TENT2: variants seen among roughly 807,000 people sequenced by gnomAD.
TENT2 encodes the protein terminal nucleotidyltransferase 2.
TENT2 carries 44 observed loss-of-function variants against 72.2 expected under a neutral mutation model. The ratio of observed to expected loss-of-function variants is 0.61; its 90% CI spans 0.48 to 0.78. The LOEUF (loss-of-function observed/expected upper bound fraction) is 0.78, where lower values mean the gene tolerates loss of function less well. Ranked by LOEUF, TENT2 falls within the 30% of genes least tolerant of loss-of-function variation. The pLI is 0.00. For missense variants in TENT2, 541 were observed against 569.6 expected, an observed-to-expected ratio of 0.95 and a Z score of 0.51; for synonymous variants, 212 against 192.5, an observed-to-expected ratio of 1.10 and a Z score of -0.84.
At chr5:79,667,168 A>G (rs62365234) in intron 11 of TENT2, among the ~76,000 whole-genome samples, 30,805 of 152,130 alleles carry the variant, frequency 0.2, 4,604 homozygotes, top group African/African-American at 0.42. Flanking sequence ...TTTTAAAGGA[A>G]GTACAATCAT....
chr5:79,646,444 G>C (rs1325982987), intron 8 of TENT2, among the ~76,000 whole-genome samples: 1 of 152,290 alleles, frequency 6.6e-6, no homozygotes, highest in East Asian at 1.9e-4. Flanking sequence ...CACTAATTCA[G>C]TGTTTGCAGC....
intron 11 of TENT2, among the ~76,000 whole-genome samples, chr5:79,659,615 A>G: frequency 8.2e-6 from 1 of 121,418 alleles, no homozygotes; most frequent in South Asian, 3.0e-4. Context: ...TTTATTTAGT[A>G]TCCATTATAT....
chr5:79,653,248 G>A (rs921912907), intron 10 of TENT2, among the ~76,000 whole-genome samples: 2 of 152,158 alleles, frequency 1.3e-5, no homozygotes, highest in Non-Finnish European at 2.9e-5. Flanking sequence ...GCTTTGGGAG[G>A]CAGAGGTGGG....
chr5:79,660,474 C>T (rs2092814272), intron 11 of TENT2, among the ~76,000 whole-genome samples: 1 of 150,974 alleles, frequency 6.6e-6, no homozygotes, highest in Non-Finnish European at 1.5e-5. Flanking sequence ...TCTTTGTACT[C>T]TAGGAAACAT....
chr5:79,639,709 G>A (rs1206721575), intron 4 of TENT2, among the ~76,000 whole-genome samples: 1 of 152,114 alleles, frequency 6.6e-6, no homozygotes, highest in East Asian at 1.9e-4. Context: ...TATGAGGAGA[G>A]TGAGAAAGTG....
intron 4 of TENT2, among the ~76,000 whole-genome samples, chr5:79,639,714 A>G (rs1782908627): frequency 6.6e-6 from 1 of 152,082 alleles, no homozygotes; most frequent in Non-Finnish European, 1.5e-5. Flanking sequence ...GGAGAGTGAG[A>G]AAGTGTGAAC....
At chr5:79,646,716 G>A (rs1334230408) in intron 8 of TENT2, among the ~76,000 whole-genome samples, 1 of 150,276 alleles carries the variant, frequency 6.7e-6, no homozygotes, top group Non-Finnish European at 1.5e-5. Context: ...TACAAAGGTA[G>A]TTTTATTCTT....
At chr5:79,632,445 T>G (rs921282232) in intron 4 of TENT2, among the ~76,000 whole-genome samples, 1 of 152,200 alleles carries the variant, frequency 6.6e-6, no homozygotes, top group South Asian at 2.1e-4. Flanking sequence ...TATGGTTTTC[T>G]GCACAAAAAT....
At chr5:79,684,245 C>T (rs1824785091) in intron 14 of TENT2, among the ~76,000 whole-genome samples, 1 of 152,218 alleles carries the variant, frequency 6.6e-6, no homozygotes, top group South Asian at 2.1e-4. Flanking sequence ...CAGAGGCATA[C>T]ATAAAGTGCC....
intron 12 of TENT2, among the ~76,000 whole-genome samples, chr5:79,674,241 G>A (rs1410362575): frequency 6.6e-6 from 1 of 152,150 alleles, no homozygotes; most frequent in African/African-American, 2.4e-5. Flanking sequence ...AATTAGCCAG[G>A]TGTGGTGGCG....
intron 1 of TENT2, among the ~76,000 whole-genome samples, chr5:79,614,693 TTTCA>T (rs976032404): frequency 1.3e-5 from 2 of 152,180 alleles, no homozygotes; most frequent in African/African-American, 4.8e-5. Context: ...TTAAGAAACC[TTTCA>T]TTCAGAGTAT....
In TENT2 at chr5:79,686,506, C is replaced by G. The variant is rs553695571; in HGVS notation, c.*1233C>G. 1 of 151,908 alleles carries G rather than the reference C, an allele frequency of 6.6e-6. No individual in the cohort carries two copies. Among genetic ancestry groups the G allele is most frequent in the South Asian group, 2.1e-4 (1 of 4,820 alleles). 9.4% of individuals were successfully genotyped at this position (151,908 alleles called of 1,614,324 possible). On this transcript the variant is annotated 3_prime_UTR_variant, in exon 15 of 15. Transcript: ENST00000453514. ...CCTGCTGTAGTACAGTTTTGTACCTCTAACGTATTTTTTTTTTGCAGACCA... is the reference window on the plus strand; with the variant it reads ...CCTGCTGTAGTACAGTTTTGTACCTGTAACGTATTTTTTTTTTGCAGACCA...
Position 79,623,336 on chromosome 5 carries a change from C to T in TENT2, c.312C>T (p.Asn104=), listed in dbSNP as rs768158629. Residue 104 remains asparagine, a synonymous_variant, in exon 4 of 15, where the codon AAC becomes AAT. Coordinates refer to ENST00000453514, the MANE Select transcript of TENT2 (RefSeq NM_001114394.3). ...HSPHQEPTVV[N]QIVPLSGERR... ...CCCACCAAGAGCCAACTGTAGTTAA[C>T]CAGATAGTGCCTTTATCAGGTGAAC... 1.9e-6 allele frequency: 3 copies of T among 1,613,612 alleles called. No individual in the cohort carries two copies. The highest frequency in any genetic ancestry group is 1.7e-6 in the Non-Finnish European group (2 of 1,179,780).
intron 13 of TENT2, 165 bp from the exon 14 acceptor site, chr5:79,681,817 C>T (rs551981636): frequency 1.6e-4 from 86 of 547,348 alleles, no homozygotes; most frequent in Non-Finnish European, 2.7e-4. Flanking sequence ...GTATATCAAG[C>T]TTTTCTGTAT....
At chr5:79,680,934 C>T (rs752072789) in intron 13 of TENT2, among the ~76,000 whole-genome samples, 6 of 151,990 alleles carry the variant, frequency 3.9e-5, no homozygotes, top group Non-Finnish European at 8.8e-5. Context: ...TCGTACTCTT[C>T]TGGTTTCTTC....
intron 11 of TENT2, among the ~76,000 whole-genome samples, chr5:79,667,949 GA>G (rs756337563): frequency 2.1e-3 from 294 of 137,514 alleles, no homozygotes; most frequent in East Asian, 8.1e-3. Context: ...TTTTTTTAAC[GA>G]AAAAAAAAAA....
At chr5:79,641,235 G>A (rs911693727) in intron 6 of TENT2, 39 bp downstream of exon 6, 1 of 1,459,064 alleles carries the variant, frequency 6.9e-7, no homozygotes, top group Non-Finnish European at 9.2e-7. Flanking sequence ...TGTTTCTCAT[G>A]TTAATGAGTT....
chr5:79,643,779 A>T (rs1786364332), intron 7 of TENT2, among the ~76,000 whole-genome samples: 1 of 152,168 alleles, frequency 6.6e-6, no homozygotes, highest in Admixed American at 6.5e-5. Flanking sequence ...GGGCCCTTAA[A>T]GATCATGTAA....
chr5:79,675,248 A>G (rs573829084), intron 12 of TENT2, among the ~76,000 whole-genome samples: 1 of 152,358 alleles, frequency 6.6e-6, no homozygotes, highest in South Asian at 2.1e-4. Context: ...GTTGGAATCT[A>G]GAGCACAAAT....
Sources: allele counts gnomAD v4.1 joint callset (sites outside exome capture counted in the v4.1 genomes callset), GRCh38; gene constraint gnomAD v4.1.1; transcripts MANE v1.5; gene names NCBI Gene and HGNC (gene_info 2026-07-23, HGNC 2026-07-21).